GLI1: variants seen among roughly 807,000 people sequenced by gnomAD.
The protein encoded by GLI1 is transcription activator GLI1.
Under a neutral mutation model 87.8 loss-of-function variants are expected in GLI1, and 51 were observed. That is an observed-to-expected ratio of 0.58 (90% confidence interval 0.46 to 0.73). GLI1 has a LOEUF of 0.73. Among genes scored for constraint, GLI1 ranks in the 30% least tolerant of loss-of-function variants. The pLI is 0.00. For synonymous variants in GLI1, 528 were observed against 558.2 expected (o/e 0.95, Z 0.76); for missense variants, 1,292 against 1,437.2 (o/e 0.90, Z 1.63).
chr12:57,471,692 G>A lies in GLI1; in HGVS notation c.2952G>A (p.Arg984=). 1 of 1,601,484 alleles carries A rather than the reference G, an allele frequency of 6.2e-7. No homozygotes were observed. The highest frequency in any genetic ancestry group is 8.5e-7 in the Non-Finnish European group (1 of 1,173,718). ...FVVGANRASH[R]AAAPPRLLPP... Reference sequence around the variant, plus strand: ...TGGGGGCAAATAGGGCTTCACATAGGGCAGCAGCACCACCTCGACTTCTGC... The same window carrying A: ...TGGGGGCAAATAGGGCTTCACATAGAGCAGCAGCACCACCTCGACTTCTGC... Residue 984 remains arginine, a synonymous_variant, in exon 12 of 12, where the codon AGG becomes AGA. Coordinates refer to ENST00000228682, the MANE Select transcript of GLI1 (RefSeq NM_005269.3). The surrounding 1 kb of genome is among the most constrained non-coding windows in gnomAD (Gnocchi z 4.9).
intron 4 of GLI1, 100 bp from the exon 5 acceptor site, chr12:57,465,011 A>G (rs1871380395): frequency 7.5e-7 from 1 of 1,331,632 alleles, no homozygotes; most frequent in Non-Finnish European, 1.1e-6. Flanking sequence ...GGACTGCCTC[A>G]ACCACTACAA....
Position 57,463,984 on chromosome 12 carries a change from GTC to G in GLI1, c.101-11_101-10del. On this transcript the variant is annotated splice_polypyrimidine_tract_variant and intron_variant, in intron 2 of 11. Coordinates refer to ENST00000228682, the MANE Select transcript of GLI1 (RefSeq NM_005269.3). ...TGTATCCTCCATTCCCATTCCAGCT[GTC>G]TCTTTTTTCTAGGACTGTCTGGCCC... 6.3e-7 allele frequency: 1 copy of G among 1,592,160 alleles called. No homozygotes were observed. Among genetic ancestry groups the G allele is most frequent in the Non-Finnish European group, 8.6e-7 (1 of 1,159,990 alleles).
chr12:57,469,894 G>C (rs1487692023), intron 11 of GLI1, among the ~76,000 whole-genome samples, 196 bp downstream of exon 11: 2 of 152,168 alleles, frequency 1.3e-5, no homozygotes, highest in South Asian at 2.1e-4. Flanking sequence ...CAGGCATGGT[G>C]GTGGGCACCT....
At chr12:57,460,471 G>C (rs956467005) in intron 1 of GLI1, 1 of 152,342 alleles carries the variant, frequency 6.6e-6, no homozygotes, top group Non-Finnish European at 1.5e-5. Context: ...CCATATATTA[G>C]AAATATCTTA....
chr12:57,471,266 A>G lies in GLI1; in HGVS notation c.2526A>G (p.Pro842=), dbSNP rs1871908329. 1 of 1,599,688 alleles carries G rather than the reference A, an allele frequency of 6.3e-7. No homozygotes were observed. The highest frequency in any genetic ancestry group is 8.5e-7 in the Non-Finnish European group (1 of 1,172,788). The change falls in exon 12 of 12, where the codon CCA becomes CCG. Residue 842 remains proline (P), a synonymous_variant. Transcript: ENST00000228682. The surrounding 1 kb of genome is among the most constrained non-coding windows in gnomAD (Gnocchi z 4.9). The part of the protein sequence containing the change: ...CLNAHPSEGP[P]HPQPLFSHYP... ...ATGCCCACCCCAGTGAGGGGCCCCC[A>G]CATCCACAGCCTCTCTTTTCCCATT...
intron 3 of GLI1, 36 bp downstream of exon 3, chr12:57,464,127 C>A (rs1326628783): frequency 2.3e-6 from 3 of 1,308,930 alleles, no homozygotes; most frequent in Non-Finnish European, 2.2e-6. Context: ...CCTTTCTGCC[C>A]CTCTCTGACT....
chr12:57,468,022 G>T lies in GLI1; in HGVS notation c.1106G>T (p.Cys369Phe). 6.2e-7 allele frequency: 1 copy of T among 1,613,978 alleles called. No homozygotes were observed. Among genetic ancestry groups the T allele is most frequent in the Non-Finnish European group, 8.5e-7 (1 of 1,179,868 alleles). Residue 369 changes from cysteine to phenylalanine, a missense_variant, in exon 10 of 12, where the codon TGC (cysteine) becomes TTC (phenylalanine). Cys to Phe is a radical substitution (Grantham distance 205, BLOSUM62 -2). Coordinates refer to ENST00000228682, the MANE Select transcript of GLI1 (RefSeq NM_005269.3). ...CCGTATGTATGTAAGCTCCCTGGCT[G>T]CACCAAACGCTATACAGATCCTAGC... Reference protein sequence around the residue: ...EKPYVCKLPGCTKRYTDPSSL... With the variant: ...EKPYVCKLPGFTKRYTDPSSL...
Position 57,472,256 on chromosome 12 carries a change from G to GC in GLI1, c.*196dup, listed in dbSNP as rs1220716721. Reference sequence around the variant, plus strand: ...ACTGTTTCCTGATAATAAAGGAACTGCATCAGAAAAAATACCATGCCACTT... The same window carrying GC: ...ACTGTTTCCTGATAATAAAGGAACTGCCATCAGAAAAAATACCATGCCACTT... On this transcript the variant is annotated 3_prime_UTR_variant, in exon 12 of 12. Coordinates refer to ENST00000228682, the MANE Select transcript of GLI1 (RefSeq NM_005269.3). The GC allele has an allele frequency of 1.7e-6, 1 of 598,340 alleles. No individual in the cohort carries two copies. Among genetic ancestry groups the GC allele is most frequent in the Non-Finnish European group, 2.8e-6 (1 of 351,906 alleles). 37.1% of individuals were successfully genotyped at this position (598,340 alleles called of 1,614,324 possible). A position where few individuals can be genotyped will look rare whatever the true frequency, so the allele number is the denominator to read the frequency against.
intron 1 of GLI1, among the ~76,000 whole-genome samples, chr12:57,461,812 T>C (rs1227981749): frequency 2.0e-5 from 3 of 151,002 alleles, no homozygotes; most frequent in Non-Finnish European, 3.0e-5. Flanking sequence ...CTCCTGGGAG[T>C]TGGGGAGCGG....
intron 1 of GLI1, 91 bp from the exon 2 acceptor site, chr12:57,463,574 C>G (rs1395055073): frequency 2.7e-6 from 2 of 727,864 alleles, no homozygotes. Context: ...TGGGGGATAC[C>G]AGGGATGTTC....
At position 57,472,158 on chromosome 12, in the gene GLI1, C is replaced by A; in HGVS notation, c.*97C>A. On this transcript the variant is annotated 3_prime_UTR_variant, in exon 12 of 12. Transcript: ENST00000228682. ...AGCTGCAGTCCCATGCACAAGATGC[C>A]CCAGGGATGGGAGGTATGGGCTGGG... The A allele has an allele frequency of 1.2e-6, 1 of 803,638 alleles. No homozygotes were observed. Among genetic ancestry groups the A allele is most frequent in the Non-Finnish European group, 1.9e-6 (1 of 531,938 alleles). The allele number at this position is 803,638 out of a possible 1,614,324, so 49.8% of individuals were successfully genotyped here. A position where few individuals can be genotyped will look rare whatever the true frequency, so the allele number is the denominator to read the frequency against.
rs1871616625 is a variant in GLI1, at chr12:57,468,077, T to C, written c.1161T>C (p.His387=). The change falls in exon 10 of 12, where the codon CAT becomes CAC. Residue 387 remains histidine, a synonymous_variant. Transcript: ENST00000228682. ...TGCGAAAACATGTCAAGACAGTGCA[T>C]GGTCCTGACGCCCATGTGACCAAAC... The part of the protein sequence containing the change: ...SSLRKHVKTV[H]GPDAHVTKRH... The C allele has an allele frequency of 3.1e-6, 5 of 1,614,144 alleles. No homozygotes were observed. Among genetic ancestry groups the C allele is most frequent in the Non-Finnish European group, 8.5e-7 (1 of 1,179,962 alleles).
chr12:57,464,091 G>T lies in GLI1; in HGVS notation c.193G>T (p.Gly65Cys), dbSNP rs1389442591. Reference sequence around the variant, plus strand: ...CAGAGAGACCAACAGCTGCACCGAGGGTGAGGGCTCAGGCAACACCTCTTC... The same window carrying T: ...CAGAGAGACCAACAGCTGCACCGAGTGTGAGGGCTCAGGCAACACCTCTTC... ...PARETNSCTEGPLFSSPRSAV... is the reference protein window; with the variant it reads ...PARETNSCTECPLFSSPRSAV... The change falls in exon 3 of 12, where the codon GGC becomes TGC. Residue 65 changes from glycine to cysteine, a missense_variant and splice_region_variant. By Grantham distance (159) the Gly-to-Cys change is radical. Coordinates refer to ENST00000228682, the MANE Select transcript of GLI1 (RefSeq NM_005269.3). 2 of 1,592,808 alleles carry T rather than the reference G, an allele frequency of 1.3e-6. 1 individual carries two copies. Among genetic ancestry groups the T allele is most frequent in the South Asian group, 2.2e-5 (2 of 90,660 alleles).
rs552135928 is a variant in GLI1, at chr12:57,463,738, C to A, written c.47C>A (p.Pro16His). ...CCACCAATCAGTAGCTATGGCGAGCCCTGCTGTCTCCGGCCCCTCCCCAGT... is the reference window on the plus strand; with the variant it reads ...CCACCAATCAGTAGCTATGGCGAGCACTGCTGTCTCCGGCCCCTCCCCAGT... ...TPPPISSYGE[P>H]CCLRPLPSQG... The change falls in exon 2 of 12, where the codon CCC becomes CAC. Residue 16 changes from proline (P) to histidine (H), a missense_variant. By Grantham distance (77) the Pro-to-His change is moderately conservative. Around this residue, in one of 3 missense-constraint regions of GLI1, gnomAD observed 383 missense variants for 368.4 expected, o/e 1.04. Transcript: ENST00000228682. 1 of 1,612,196 alleles carries A rather than the reference C, an allele frequency of 6.2e-7. No homozygotes were observed. Among genetic ancestry groups the A allele is most frequent in the South Asian group, 1.1e-5 (1 of 91,088 alleles).
At chr12:57,462,114 T>A (rs1871177216) in intron 1 of GLI1, among the ~76,000 whole-genome samples, 1 of 152,032 alleles carries the variant, frequency 6.6e-6, no homozygotes, top group South Asian at 2.1e-4. Context: ...GAGTCTCTAG[T>A]GTTTGGGGGA....
rs759838377 is a variant in GLI1, at chr12:57,468,054, C to T, written c.1138C>T (p.Arg380Ter). ...TKRYTDPSSL[R>*]KHVKTVHGPD... The stretch of plus-strand genomic sequence containing the variant: ...ACGCTATACAGATCCTAGCTCGCTG[C>T]GAAAACATGTCAAGACAGTGCATGG... The change falls in exon 10 of 12, where the codon CGA (arginine) becomes TGA (stop). Residue 380 changes from arginine to a stop codon, truncating the protein, a stop_gained. Transcript: ENST00000228682. LOFTEE classifies it high-confidence loss of function. 1.7e-5 allele frequency: 28 copies of T among 1,614,082 alleles called. No individual in the cohort carries two copies. The highest frequency in any genetic ancestry group is 2.2e-5 in the Non-Finnish European group (26 of 1,180,024).
chr12:57,469,249 G>C (rs1871706205), intron 10 of GLI1, among the ~76,000 whole-genome samples, 182 bp from the exon 11 acceptor site: 2 of 152,180 alleles, frequency 1.3e-5, no homozygotes, highest in Non-Finnish European at 2.9e-5. Context: ...CTCCAGCCTA[G>C]GTTCTTCTCA....
chr12:57,460,741 G>A (rs1193558624), intron 1 of GLI1, among the ~76,000 whole-genome samples: 2 of 136,790 alleles, frequency 1.5e-5, no homozygotes, highest in East Asian at 5.1e-4. Context: ...TGCTTTAGGG[G>A]AAAGGAGTGT....
chr12:57,465,185 G>A lies in GLI1; in HGVS notation c.464G>A (p.Gly155Asp), dbSNP rs1871393112. 4 of 1,613,982 alleles carry A rather than the reference G, an allele frequency of 2.5e-6. No individual in the cohort carries two copies. Among genetic ancestry groups the A allele is most frequent in the Non-Finnish European group, 1.7e-6 (2 of 1,179,892 alleles). ...CCTTCCTTTGGGGTCCAGCCTTGTG[G>A]TCCCCATGACTCTGCCCGGGGTGGG... ...PSPSFGVQPC[G>D]PHDSARGGMI... The change falls in exon 5 of 12, where the codon GGT becomes GAT. Residue 155 changes from glycine to aspartate, a missense_variant. Gly to Asp is a moderately conservative substitution (Grantham distance 94, BLOSUM62 -1). This residue lies in a region of GLI1 where 383 missense variants were observed against 368.4 expected (regional missense o/e 1.04). Coordinates refer to ENST00000228682, the MANE Select transcript of GLI1 (RefSeq NM_005269.3).
Sources: gnomAD v4.1 joint callset for allele counts (sites outside exome capture counted in the v4.1 genomes callset) on GRCh38, gnomAD v4.1.1 for gene constraint, gnomAD v4.1.1 regional missense constraint, Gnocchi (gnomAD v3.1) non-coding constraint, MANE v1.5 for transcripts, NCBI Gene and HGNC (gene_info 2026-07-23, HGNC 2026-07-21) for gene names.